Variants in BCAS4 observed in about 807,000 individuals in gnomAD.
The protein encoded by BCAS4 is breast carcinoma amplified sequence 4, also known as breast carcinoma-amplified sequence 4.
A neutral mutation model predicts 15.7 loss-of-function variants in BCAS4; 9 were observed. The observed-to-expected ratio is 0.57, with a 90% CI of 0.34 to 1.00. BCAS4 has a LOEUF of 1.00. Among genes scored for constraint, BCAS4 ranks in the 50% least tolerant of loss-of-function variants. BCAS4 has a pLI of 0.02. For missense variants in BCAS4, 225 were observed against 239.1 expected (o/e 0.94, Z 0.39); for synonymous variants, 101 against 99.5 (o/e 1.02, Z -0.09).
intron 4 of BCAS4, among the ~76,000 whole-genome samples, chr20:50,874,591 G>A (rs1197605488): frequency 6.6e-6 from 1 of 152,218 alleles, no homozygotes; most frequent in African/African-American, 2.4e-5. Context: ...TCACAGCTGT[G>A]TCCTCAGTGC....
intron 1 of BCAS4, among the ~76,000 whole-genome samples, chr20:50,808,531 T>G (rs1319522786): frequency 2.0e-5 from 3 of 152,198 alleles, no homozygotes; most frequent in Non-Finnish European, 4.4e-5. Context: ...TATTTTTTGA[T>G]TTTTTGATTA....
chr20:50,840,664 AG>A lies in BCAS4; in HGVS notation c.265-1101del. On this transcript the variant is annotated intron_variant, in intron 3 of 4. Coordinates refer to ENST00000371608, the MANE Select transcript of BCAS4 (RefSeq NM_198799.4). ...CTGTTCAATCGTTTCTTTGGAAGGCAGTGGATTTTTCTCTTGCGTCTCTGTC... is the reference window on the plus strand; with the variant it reads ...CTGTTCAATCGTTTCTTTGGAAGGCATGGATTTTTCTCTTGCGTCTCTGTC... The A allele has an allele frequency of 1.9e-6, 3 of 1,612,914 alleles. No individual in the cohort carries two copies. The South Asian group carries it at 3.3e-5, about 18-fold the overall frequency.
chr20:50,828,409 G>T (rs565906176), intron 2 of BCAS4, among the ~76,000 whole-genome samples: 17 of 152,220 alleles, frequency 1.1e-4, no homozygotes, highest in African/African-American at 4.1e-4. Flanking sequence ...AGATTTTCAC[G>T]ATAACCACAA....
Position 50,876,466 on chromosome 20 carries a change from T to C in BCAS4, c.400-20T>C. On this transcript the variant is annotated intron_variant, in intron 4 of 4. Transcript: ENST00000371608. ...AGTGGATCCAAATCGCTGATAGAGCTTCATTTCTTGTCATTCCAGAAGTCA... is the reference window on the plus strand; with the variant it reads ...AGTGGATCCAAATCGCTGATAGAGCCTCATTTCTTGTCATTCCAGAAGTCA... The C allele has an allele frequency of 1.9e-6, 3 of 1,610,582 alleles. No individual in the cohort carries two copies. Among genetic ancestry groups the C allele is most frequent in the Non-Finnish European group, 1.7e-6 (2 of 1,178,828 alleles).
In BCAS4 at chr20:50,876,303, C is replaced by G. The variant is rs553176659; in HGVS notation, c.400-183C>G. The stretch of plus-strand genomic sequence containing the variant: ...GTATTCCATTGTGGAGAGGGCCTGA[C>G]ATGGATGCCTTGGTCCCTTTGGGTG... On this transcript the variant is annotated intron_variant, in intron 4 of 4. Coordinates refer to ENST00000371608, the MANE Select transcript of BCAS4 (RefSeq NM_198799.4). Among the ~76,000 whole-genome samples the G allele has an allele frequency of 2.2e-4, 34 of 151,338 alleles. No individual in the cohort carries two copies. In the South Asian group the frequency reaches 6.0e-3, roughly 27 times the overall value.
chr20:50,873,856 G>C (rs1250258537), intron 4 of BCAS4, among the ~76,000 whole-genome samples: 3 of 152,220 alleles, frequency 2.0e-5, no homozygotes, highest in Non-Finnish European at 4.4e-5. Flanking sequence ...CCTTGGCCAG[G>C]TGCGTCACTT....
At chr20:50,854,758 A>AC (rs1978660386) in intron 4 of BCAS4, among the ~76,000 whole-genome samples, 2 of 151,956 alleles carry the variant, frequency 1.3e-5, no homozygotes, top group African/African-American at 4.8e-5. Context: ...GATTGTTCCA[A>AC]ACCCCCCCCA....
At chr20:50,881,325 A>G (rs1050485469), downstream of BCAS4, 2 of 152,248 alleles carry the variant, frequency 1.3e-5, no homozygotes, top group Non-Finnish European at 2.9e-5. Flanking sequence ...CAATTTGATT[A>G]TATAAAATTT....
chr20:50,845,607 A>G (rs1363202701), intron 4 of BCAS4, among the ~76,000 whole-genome samples: 1 of 152,096 alleles, frequency 6.6e-6, no homozygotes, highest in Admixed American at 6.5e-5. Flanking sequence ...CCAGGACCCC[A>G]CTGCCCCCCT....
intron 3 of BCAS4, among the ~76,000 whole-genome samples, chr20:50,835,987 G>A (rs1266043761): frequency 2.0e-5 from 3 of 151,444 alleles, no homozygotes; most frequent in South Asian, 2.1e-4. Context: ...GCGCGATCTC[G>A]GCTCACTGCA....
At chr20:50,876,367 C>A in intron 4 of BCAS4, 119 bp from the exon 5 acceptor site, 2 of 1,382,648 alleles carry the variant, frequency 1.4e-6, no homozygotes, top group East Asian at 2.3e-5. Context: ...GTCAGAGGAG[C>A]TCAGAGTCTT....
At position 50,861,749 on chromosome 20, in the gene BCAS4, A is replaced by G. The variant is rs550286068; in HGVS notation, c.400-14737A>G. Among the ~76,000 whole-genome samples the G allele has an allele frequency of 4.1e-5, 6 of 145,746 alleles. No individual in the cohort carries two copies. In the East Asian group the frequency reaches 1.0e-3, roughly 25 times the overall value. On this transcript the variant is annotated intron_variant, in intron 4 of 4. Transcript: ENST00000371608. ...CGCTCATCCCTGCTTCCCTCCCCCT[A>G]TGTGGCTGCTTCATGTTTGCATCAG...
intron 1 of BCAS4, among the ~76,000 whole-genome samples, chr20:50,796,773 C>T (rs1045047376): frequency 1.3e-5 from 2 of 151,364 alleles, no homozygotes; most frequent in African/African-American, 2.4e-5. Context: ...GGATTACAGG[C>T]GTAAGCCACA....
chr20:50,818,994 C>T (rs2088177325), intron 2 of BCAS4, among the ~76,000 whole-genome samples: 1 of 152,012 alleles, frequency 6.6e-6, no homozygotes, highest in Non-Finnish European at 1.5e-5. Flanking sequence ...ACCAGCCTGA[C>T]CAACATGGTG....
At chr20:50,819,039 C>T (rs1362817059) in intron 2 of BCAS4, among the ~76,000 whole-genome samples, 10 of 151,976 alleles carry the variant, frequency 6.6e-5, no homozygotes, top group African/African-American at 9.7e-5. Context: ...AAAAATTAGC[C>T]GGGTGTGGTG....
intron 4 of BCAS4, among the ~76,000 whole-genome samples, chr20:50,842,478 G>A (rs763380178): frequency 3.3e-5 from 4 of 123,014 alleles, no homozygotes; most frequent in African/African-American, 6.4e-5. Flanking sequence ...GTGCAGTGGC[G>A]TGATCTCAGC....
At chr20:50,810,828 G>T (rs1373930715) in intron 1 of BCAS4, among the ~76,000 whole-genome samples, 1 of 152,096 alleles carries the variant, frequency 6.6e-6, no homozygotes, top group Non-Finnish European at 1.5e-5. Context: ...CTGACTTTGT[G>T]ATCTGTCCGC....
intron 3 of BCAS4, among the ~76,000 whole-genome samples, chr20:50,834,525 C>T (rs960636430): frequency 9.9e-5 from 15 of 152,194 alleles, no homozygotes; most frequent in Middle Eastern, 3.4e-3. Context: ...GAACTCCTGA[C>T]CTCAAGTGAT....
chr20:50,825,499 C>T (rs1439988459), intron 2 of BCAS4, among the ~76,000 whole-genome samples: 3 of 152,238 alleles, frequency 2.0e-5, no homozygotes, highest in African/African-American at 7.2e-5. Flanking sequence ...CGGTAAACCT[C>T]TGGGCAGATA....
Sources: gnomAD v4.1 joint callset for allele counts (sites outside exome capture counted in the v4.1 genomes callset) on GRCh38, gnomAD v4.1.1 for gene constraint, MANE v1.5 for transcripts, NCBI Gene and HGNC (gene_info 2026-07-23, HGNC 2026-07-21) for gene names.